SPIDR: variants seen among roughly 807,000 people sequenced by gnomAD.
The protein encoded by SPIDR is scaffold protein involved in DNA repair.
Under a neutral mutation model 104.6 loss-of-function variants are expected in SPIDR, and 93 were observed. The observed-to-expected ratio is 0.89, with a 90% CI of 0.75 to 1.06. SPIDR has a LOEUF of 1.06. SPIDR is among the 50% of genes least tolerant of loss of function. The pLI is 0.00. For missense variants in SPIDR, 1,154 were observed against 1,111.2 expected, an observed-to-expected ratio of 1.04 and a Z score of -0.55; for synonymous variants, 431 against 416.9, an observed-to-expected ratio of 1.03 and a Z score of -0.41.
intron 8 of SPIDR, among the ~76,000 whole-genome samples, chr8:47,564,937 T>G (rs2057587098): frequency 6.6e-6 from 1 of 152,070 alleles, no homozygotes; most frequent in Non-Finnish European, 1.5e-5. Flanking sequence ...TTAGGCTTAT[T>G]GCCTTTGTGT....
intron 8 of SPIDR, among the ~76,000 whole-genome samples, chr8:47,549,799 G>A (rs543738478): frequency 2.4e-4 from 37 of 152,288 alleles, no homozygotes; most frequent in African/African-American, 8.2e-4. Context: ...TTTGGCTTTC[G>A]TTGCCATTGC....
intron 5 of SPIDR, among the ~76,000 whole-genome samples, chr8:47,329,312 C>T (rs2048258039): frequency 6.6e-6 from 1 of 151,846 alleles, no homozygotes; most frequent in South Asian, 2.1e-4. Context: ...ACCTCATGAT[C>T]CGCCCGCCTC....
intron 6 of SPIDR, among the ~76,000 whole-genome samples, chr8:47,402,871 G>C (rs1250024734): frequency 6.6e-6 from 1 of 152,140 alleles, no homozygotes; most frequent in Non-Finnish European, 1.5e-5. Flanking sequence ...GCATCATCCT[G>C]ATACCAAAGC....
chr8:47,694,744 A>G (rs1398516137), intron 11 of SPIDR, among the ~76,000 whole-genome samples: 6 of 152,108 alleles, frequency 3.9e-5, no homozygotes, highest in South Asian at 2.1e-4. Flanking sequence ...GCAAGACTCT[A>G]TCTCCAAAAA....
intron 5 of SPIDR, among the ~76,000 whole-genome samples, chr8:47,336,029 G>C (rs1216534766): frequency 2.0e-5 from 3 of 151,436 alleles, no homozygotes; most frequent in Non-Finnish European, 2.9e-5. Flanking sequence ...AGTCATTGTT[G>C]TTTCAAATAT....
At chr8:47,709,386 C>T (rs1444890227) in intron 14 of SPIDR, among the ~76,000 whole-genome samples, 4 of 152,170 alleles carry the variant, frequency 2.6e-5, no homozygotes, top group Non-Finnish European at 4.4e-5. Context: ...GTGATTCACC[C>T]GCCTCTGCCT....
intron 14 of SPIDR, among the ~76,000 whole-genome samples, chr8:47,712,018 C>G (rs1450234684): frequency 2.0e-5 from 3 of 152,202 alleles, no homozygotes; most frequent in Admixed American, 2.0e-4. Context: ...ATCCTCAGGC[C>G]CTGGCCCTGC....
At chr8:47,578,481 A>G in intron 8 of SPIDR, among the ~76,000 whole-genome samples, 1 of 151,226 alleles carries the variant, frequency 6.6e-6, no homozygotes, top group Non-Finnish European at 1.5e-5. Context: ...CAAAAAAAAA[A>G]TAATAATAAT....
intron 5 of SPIDR, among the ~76,000 whole-genome samples, chr8:47,351,509 A>C (rs1554622382): frequency 6.6e-6 from 1 of 152,186 alleles, no homozygotes; most frequent in East Asian, 1.9e-4. Context: ...GTATGGGACC[A>C]TAGGGTGGGG....
At chr8:47,421,535 CT>C (rs1409240620) in intron 7 of SPIDR, among the ~76,000 whole-genome samples, 1 of 152,102 alleles carries the variant, frequency 6.6e-6, no homozygotes, top group African/African-American at 2.4e-5. Flanking sequence ...AGGTTTTTAA[CT>C]TCTTTGCCAT....
In SPIDR at chr8:47,281,082, G is replaced by A. The variant is rs981973876; in HGVS notation, c.189+1065G>A. On this transcript the variant is annotated intron_variant, in intron 2 of 19. Transcript: ENST00000297423. ...CTTTGGTTTCCCAGTGCCTATAAAA[G>A]TTATGTTTATATTATAATGTAGTCT... 9.2e-5 allele frequency among the ~76,000 whole-genome samples: 14 copies of A among 152,266 alleles called. No homozygotes were observed. In the East Asian group the frequency reaches 2.7e-3, roughly 29 times the overall value.
intron 5 of SPIDR, among the ~76,000 whole-genome samples, chr8:47,365,204 C>G (rs1318111819): frequency 1.3e-5 from 2 of 152,192 alleles, no homozygotes; most frequent in Non-Finnish European, 2.9e-5. Context: ...CCTGGACTTG[C>G]AGAGAGGGTC....
chr8:47,351,660 T>C (rs1554622455), intron 5 of SPIDR, among the ~76,000 whole-genome samples: 1 of 152,154 alleles, frequency 6.6e-6, no homozygotes, highest in African/African-American at 2.4e-5. Context: ...ACCAAAAATA[T>C]TTGGAAAGAC....
chr8:47,397,965 T>C (rs2061431038), intron 6 of SPIDR, among the ~76,000 whole-genome samples: 1 of 152,134 alleles, frequency 6.6e-6, no homozygotes, highest in Admixed American at 6.6e-5. Context: ...GAGCCCCAGC[T>C]TGAAGACACC....
At chr8:47,728,217 G>C (rs1589591298) in intron 17 of SPIDR, among the ~76,000 whole-genome samples, 1 of 151,860 alleles carries the variant, frequency 6.6e-6, no homozygotes, top group African/African-American at 2.4e-5. Flanking sequence ...CTTGAGGTCA[G>C]GAGTTGAAGA....
At chr8:47,370,647 A>G (rs782232340) in intron 5 of SPIDR, among the ~76,000 whole-genome samples, 50 of 151,288 alleles carry the variant, frequency 3.3e-4, no homozygotes, top group Non-Finnish European at 5.8e-4. Context: ...ACAGGGTTTC[A>G]CCATGTTGGT....
intron 19 of SPIDR, among the ~76,000 whole-genome samples, chr8:47,735,008 AGTCTGTGTGCATCGT>A (rs1173726433): frequency 6.6e-6 from 1 of 152,146 alleles, no homozygotes; most frequent in Admixed American, 6.5e-5. Flanking sequence ...TTCCCAGCAG[AGTCTGTGTGCATCGT>A]GTCCCAAGTA....
rs573319279 is a variant in SPIDR, at chr8:47,501,405, A to G, written c.1097+60863A>G. Among the ~76,000 whole-genome samples the G allele has an allele frequency of 3.3e-5, 5 of 152,220 alleles. No individual in the cohort carries two copies. In the East Asian group the frequency reaches 7.7e-4, roughly 23 times the overall value. On this transcript the variant is annotated intron_variant, in intron 8 of 19. Coordinates refer to ENST00000297423, the MANE Select transcript of SPIDR (RefSeq NM_001080394.4). ...TAGGTATTTTATTCTCTTTGAAGCA[A>G]TTGTGAATGGGAGTTCACTCATGAT... is the stretch of plus-strand genomic sequence containing the variant.
intron 5 of SPIDR, among the ~76,000 whole-genome samples, chr8:47,317,112 A>T (rs2045518346): frequency 6.6e-6 from 1 of 152,122 alleles, no homozygotes; most frequent in Non-Finnish European, 1.5e-5. Context: ...GGTGCAGGAC[A>T]GTGGGTACAG....
Sources: allele counts gnomAD v4.1 joint callset (sites outside exome capture counted in the v4.1 genomes callset), GRCh38; gene constraint gnomAD v4.1.1; transcripts MANE v1.5; gene names NCBI Gene and HGNC (gene_info 2026-07-23, HGNC 2026-07-21).